SCLT1: variants seen among roughly 807,000 people sequenced by gnomAD.
The protein encoded by SCLT1 is sodium channel-associated protein 1.
Under a neutral mutation model 112.8 loss-of-function variants are expected in SCLT1, and 78 were observed. The ratio of observed to expected loss-of-function variants is 0.69; its 90% CI spans 0.58 to 0.83. SCLT1 has a LOEUF of 0.83. Among genes scored for constraint, SCLT1 ranks in the 40% least tolerant of loss-of-function variants. The probability of loss-of-function intolerance (pLI) is 0.00; values close to 1 mark genes in which losing one functional copy is unlikely to be tolerated. For missense variants in SCLT1, 747 were observed against 770.4 expected (o/e 0.97, Z 0.36); for synonymous variants, 257 against 254.7 (o/e 1.01, Z -0.09).
intron 2 of SCLT1, among the ~76,000 whole-genome samples, chr4:129,050,620 G>A (rs1010865759): frequency 1.3e-5 from 2 of 152,078 alleles, no homozygotes; most frequent in African/African-American, 4.8e-5. Context: ...CTTGTAGACT[G>A]TGGATATTAG....
At chr4:128,943,521 A>G (rs1455015450) in intron 16 of SCLT1, among the ~76,000 whole-genome samples, 2 of 152,172 alleles carry the variant, frequency 1.3e-5, no homozygotes, top group African/African-American at 4.8e-5. Context: ...GCAACAAAAA[A>G]AGGATGAAGC....
chr4:128,992,231 G>T lies in SCLT1; in HGVS notation c.622C>A (p.Gln208Lys). The T allele has an allele frequency of 6.3e-7, 1 of 1,592,938 alleles. No homozygotes were observed. Residue 208 changes from glutamine (Q) to lysine (K), a missense_variant, in exon 9 of 21, where the codon CAA becomes AAA. Gln to Lys is a moderately conservative substitution (Grantham distance 53, BLOSUM62 1). Coordinates refer to ENST00000281142, the MANE Select transcript of SCLT1 (RefSeq NM_144643.4). ...TCAGTTACTGTTTTCAGAAACTGTTGGTTAGTCTGCCACAAGAAAAAAAAA... is the reference window on the plus strand; with the variant it reads ...TCAGTTACTGTTTTCAGAAACTGTTTGTTAGTCTGCCACAAGAAAAAAAAA... ...VTNENMEVTN[Q>K]QFLKTVTEQS...
chr4:129,084,878 G>A (rs191087815), intron 1 of SCLT1, among the ~76,000 whole-genome samples: 23 of 152,166 alleles, frequency 1.5e-4, no homozygotes, highest in Non-Finnish European at 2.6e-4. Context: ...AACTCAAGAC[G>A]AATTAAAGAC....
At chr4:129,034,424 T>C (rs1747007598) in intron 5 of SCLT1, among the ~76,000 whole-genome samples, 1 of 151,482 alleles carries the variant, frequency 6.6e-6, no homozygotes, top group South Asian at 2.1e-4. Flanking sequence ...AGTTGTAATC[T>C]AAAAAAATAA....
chr4:128,997,985 T>C (rs376609506), intron 7 of SCLT1, 46 bp from the exon 8 acceptor site: 34 of 911,882 alleles, frequency 3.7e-5, no homozygotes, highest in Non-Finnish European at 4.5e-5. Context: ...ATTTTGTTGT[T>C]TATAACCCAT....
At chr4:129,090,869 T>TA (rs2125789308) in intron 1 of SCLT1, among the ~76,000 whole-genome samples, 1 of 152,318 alleles carries the variant, frequency 6.6e-6, no homozygotes, top group South Asian at 2.1e-4. Context: ...TGCCTGTCGT[T>TA]ATGATATGTA....
At chr4:128,968,697 G>A (rs999664350) in intron 10 of SCLT1, among the ~76,000 whole-genome samples, 1 of 152,124 alleles carries the variant, frequency 6.6e-6, no homozygotes, top group African/African-American at 2.4e-5. Context: ...GTTCTTTTGA[G>A]CATTAAATTT....
intron 9 of SCLT1, among the ~76,000 whole-genome samples, chr4:128,974,842 T>A (rs1357424067): frequency 6.6e-6 from 1 of 151,932 alleles, no homozygotes; most frequent in Non-Finnish European, 1.5e-5. Flanking sequence ...AATTTTGATT[T>A]AAAAAAACAC....
chr4:128,895,257 CA>C (rs1044251697), intron 18 of SCLT1, among the ~76,000 whole-genome samples: 1 of 152,104 alleles, frequency 6.6e-6, no homozygotes, highest in Non-Finnish European at 1.5e-5. Flanking sequence ...TTTCTCTTTC[CA>C]AAACACCACT....
At chr4:129,078,778 T>C (rs1268403805) in intron 2 of SCLT1, among the ~76,000 whole-genome samples, 1 of 152,150 alleles carries the variant, frequency 6.6e-6, no homozygotes, top group Non-Finnish European at 1.5e-5. Context: ...ATAATTTTAG[T>C]TCTGCATTAG....
chr4:129,080,534 C>T lies in SCLT1; in HGVS notation c.102+1772G>A, dbSNP rs147595703. Among the ~76,000 whole-genome samples the T allele has an allele frequency of 6.6e-5, 10 of 152,302 alleles. No homozygotes were observed. In the East Asian group the frequency reaches 1.7e-3, roughly 26 times the overall value. ...GGCAAGAGTGACCTTTACACTAGTT[C>T]CCAGTAAGCTCCTCTTCTCCATCTG... On this transcript the variant is annotated intron_variant, in intron 2 of 20. Transcript: ENST00000281142.
At position 129,007,897 on chromosome 4, in the gene SCLT1, T is replaced by C. The variant is rs1744173266; in HGVS notation, c.291-4021A>G. Among the ~76,000 whole-genome samples the C allele has an allele frequency of 2.6e-5, 4 of 152,264 alleles. No individual in the cohort carries two copies. The South Asian group carries it at 8.3e-4, about 32-fold the overall frequency. Reference sequence around the variant, plus strand: ...TCCTGCTCCATGAGCTTGGAAGTGATAGAATCTTTTAGTTTACTGTAGTGC... The same window carrying C: ...TCCTGCTCCATGAGCTTGGAAGTGACAGAATCTTTTAGTTTACTGTAGTGC... On this transcript the variant is annotated intron_variant, in intron 5 of 20. Coordinates refer to ENST00000281142, the MANE Select transcript of SCLT1 (RefSeq NM_144643.4).
At chr4:128,879,014 A>G (rs1009632198), downstream of SCLT1, among the ~76,000 whole-genome samples, 1 of 152,074 alleles carries the variant, frequency 6.6e-6, no homozygotes, top group Admixed American at 6.5e-5. Context: ...GCATCAGGAG[A>G]TATAACTAAT....
chr4:128,950,838 G>T (rs974160281), intron 14 of SCLT1, among the ~76,000 whole-genome samples: 1 of 152,070 alleles, frequency 6.6e-6, no homozygotes, highest in African/African-American at 2.4e-5. Context: ...ATTTGATATA[G>T]ATTAATAGCA....
chr4:128,894,086 C>T (rs1579299612), intron 18 of SCLT1, among the ~76,000 whole-genome samples: 1 of 152,062 alleles, frequency 6.6e-6, no homozygotes, highest in African/African-American at 2.4e-5. Context: ...CCTTCAGGTG[C>T]ATGCCATCAT....
At chr4:128,936,874 A>G (rs756055185) in intron 17 of SCLT1, 23 bp from the exon 18 acceptor site, 26 of 1,289,626 alleles carry the variant, frequency 2.0e-5, no homozygotes, top group Admixed American at 1.8e-4. Flanking sequence ...ATGAAAACGT[A>G]TTTTCTTTTT....
chr4:129,069,085 A>C (rs1280025049), intron 2 of SCLT1, among the ~76,000 whole-genome samples: 1 of 151,982 alleles, frequency 6.6e-6, no homozygotes, highest in East Asian at 1.9e-4. Context: ...GTTGGCTCTA[A>C]GTATTTGGGT....
chr4:129,019,288 T>G (rs1745246490), intron 5 of SCLT1, among the ~76,000 whole-genome samples: 1 of 152,208 alleles, frequency 6.6e-6, no homozygotes, highest in Non-Finnish European at 1.5e-5. Context: ...TATAAAAGTT[T>G]TGATCTTTTA....
intron 2 of SCLT1, among the ~76,000 whole-genome samples, chr4:129,070,117 T>C (rs1428810217): frequency 6.6e-6 from 1 of 152,208 alleles, no homozygotes; most frequent in African/African-American, 2.4e-5. Context: ...CACTTAATCA[T>C]AGTGGATTAT....
Sources: allele counts gnomAD v4.1 joint callset (sites outside exome capture counted in the v4.1 genomes callset), GRCh38; gene constraint gnomAD v4.1.1; transcripts MANE v1.5; gene names NCBI Gene and HGNC (gene_info 2026-07-23, HGNC 2026-07-21).